PTPRD: variants seen among roughly 807,000 people sequenced by gnomAD.
PTPRD encodes the protein receptor-type tyrosine-protein phosphatase delta.
Under a neutral mutation model 214.5 loss-of-function variants are expected in PTPRD, and 34 were observed. The ratio of observed to expected loss-of-function variants is 0.16; its 90% CI spans 0.12 to 0.21. The LOEUF (loss-of-function observed/expected upper bound fraction) is 0.21, where lower values mean the gene tolerates loss of function less well. PTPRD is among the 10% of genes least tolerant of loss of function. The probability of loss-of-function intolerance (pLI) is 1.00; values close to 1 mark genes in which losing one functional copy is unlikely to be tolerated. For synonymous variants in PTPRD, 1,128 were observed against 845.7 expected (o/e 1.33, Z -5.79); for missense variants, 2,545 against 2,398.7 (o/e 1.06, Z -1.27).
intron 9 of PTPRD, among the ~76,000 whole-genome samples, chr9:9,187,889 C>G (rs1476486675): frequency 6.6e-6 from 1 of 151,662 alleles, no homozygotes; most frequent in African/African-American, 2.4e-5. Context: ...ATCCTGAGTC[C>G]TTTTGTCTCA....
intron 14 of PTPRD, among the ~76,000 whole-genome samples, chr9:8,613,682 T>A (rs2095522728): frequency 6.6e-6 from 1 of 152,012 alleles, no homozygotes; most frequent in Non-Finnish European, 1.5e-5. Flanking sequence ...CTGGGACCAA[T>A]CCAAAAATCT....
chr9:8,937,647 C>T (rs1427201748), intron 11 of PTPRD, among the ~76,000 whole-genome samples: 1 of 152,072 alleles, frequency 6.6e-6, no homozygotes, highest in East Asian at 1.9e-4. Context: ...ACTTTTTCAC[C>T]CTTGCTCATC....
chr9:9,274,176 C>G (rs1172853747), intron 9 of PTPRD, among the ~76,000 whole-genome samples: 1 of 151,218 alleles, frequency 6.6e-6, no homozygotes, highest in Non-Finnish European at 1.5e-5. Context: ...TTCCACAGAG[C>G]CTCCACACTT....
At chr9:9,792,534 G>T (rs1268092964) in intron 5 of PTPRD, among the ~76,000 whole-genome samples, 2 of 151,966 alleles carry the variant, frequency 1.3e-5, no homozygotes, top group Non-Finnish European at 1.5e-5. Context: ...AGCCCTGGAG[G>T]AAAAAATAGA....
At chr9:9,539,968 G>T (rs932473825) in intron 8 of PTPRD, among the ~76,000 whole-genome samples, 1 of 151,766 alleles carries the variant, frequency 6.6e-6, no homozygotes, top group East Asian at 1.9e-4. Flanking sequence ...TACCCTACAC[G>T]GATATTTGAA....
At chr9:9,807,525 T>C (rs2045832753) in intron 5 of PTPRD, among the ~76,000 whole-genome samples, 1 of 152,144 alleles carries the variant, frequency 6.6e-6, no homozygotes, top group Non-Finnish European at 1.5e-5. Context: ...TCTCCCCTTG[T>C]TAAGCATTTT....
intron 11 of PTPRD, among the ~76,000 whole-genome samples, chr9:8,742,474 G>T (rs984958222): frequency 2.0e-5 from 3 of 152,012 alleles, no homozygotes; most frequent in Admixed American, 6.5e-5. Context: ...ATCAAAACAG[G>T]TTTTCTTAAT....
intron 7 of PTPRD, among the ~76,000 whole-genome samples, chr9:9,679,150 A>G (rs1358174153): frequency 6.6e-6 from 1 of 150,710 alleles, no homozygotes; most frequent in Admixed American, 6.6e-5. Flanking sequence ...AAGAAAATGA[A>G]TTCCTAAAAG....
intron 11 of PTPRD, among the ~76,000 whole-genome samples, chr9:8,908,434 A>C (rs2098723412): frequency 6.6e-6 from 1 of 152,190 alleles, no homozygotes; most frequent in South Asian, 2.1e-4. Flanking sequence ...AATCAACAAC[A>C]GAAAAAAATT....
intron 4 of PTPRD, among the ~76,000 whole-genome samples, chr9:9,990,573 T>A (rs900885624): frequency 6.6e-6 from 1 of 152,126 alleles, no homozygotes; most frequent in Non-Finnish European, 1.5e-5. Flanking sequence ...CCTAGGGAAA[T>A]CTCAGAGGCC....
chr9:9,319,756 T>C (rs1965462838), intron 9 of PTPRD, among the ~76,000 whole-genome samples: 1 of 152,178 alleles, frequency 6.6e-6, no homozygotes, highest in Admixed American at 6.5e-5. Flanking sequence ...TAAAATTTTC[T>C]AGGAGTAGTG....
intron 11 of PTPRD, among the ~76,000 whole-genome samples, chr9:8,853,236 G>T (rs1267993671): frequency 6.6e-6 from 1 of 152,130 alleles, no homozygotes; most frequent in East Asian, 1.9e-4. Flanking sequence ...TCAGACTGCT[G>T]TAACATATAA....
At chr9:10,057,243 C>A (rs1038040039) in intron 3 of PTPRD, among the ~76,000 whole-genome samples, 3 of 152,092 alleles carry the variant, frequency 2.0e-5, no homozygotes, top group African/African-American at 4.8e-5. Context: ...ACATTATCTA[C>A]AAACATAGTA....
intron 36 of PTPRD, among the ~76,000 whole-genome samples, chr9:8,392,835 A>T (rs1287132017): frequency 6.6e-6 from 1 of 152,274 alleles, no homozygotes; most frequent in East Asian, 1.9e-4. Flanking sequence ...TCCTGTATTC[A>T]TAAAACCCAA....
chr9:9,478,069 GTTAT>G (rs996762730), intron 8 of PTPRD, among the ~76,000 whole-genome samples: 1 of 152,122 alleles, frequency 6.6e-6, no homozygotes, highest in East Asian at 1.9e-4. Context: ...GGTCTATGAG[GTTAT>G]TTGTTTTGAT....
intron 10 of PTPRD, among the ~76,000 whole-genome samples, chr9:9,071,579 T>C (rs1215883548): frequency 6.6e-6 from 1 of 152,188 alleles, no homozygotes; most frequent in Non-Finnish European, 1.5e-5. Flanking sequence ...GGTCAGCCTC[T>C]AGCCTCCAAT....
intron 4 of PTPRD, 70 bp downstream of exon 4, chr9:10,033,648 C>T (rs2097125401): frequency 1.3e-5 from 2 of 151,850 alleles, no homozygotes; most frequent in South Asian, 4.2e-4. Context: ...GCTAGTTTTA[C>T]CTTACAGCCA....
chr9:9,190,043 A>G (rs1437109694), intron 9 of PTPRD, among the ~76,000 whole-genome samples: 1 of 152,066 alleles, frequency 6.6e-6, no homozygotes, highest in Non-Finnish European at 1.5e-5. Context: ...CATGAGAAGA[A>G]TATGTAGCCA....
At chr9:10,490,562 T>C (rs922013533) in intron 2 of PTPRD, among the ~76,000 whole-genome samples, 1 of 152,160 alleles carries the variant, frequency 6.6e-6, no homozygotes, top group Admixed American at 6.5e-5. Flanking sequence ...ATTTTTGACA[T>C]TTCTTAAGTT....
Sources: gnomAD v4.1 joint callset for allele counts (sites outside exome capture counted in the v4.1 genomes callset) on GRCh38, gnomAD v4.1.1 for gene constraint, MANE v1.5 for transcripts, NCBI Gene and HGNC (gene_info 2026-07-23, HGNC 2026-07-21) for gene names.